The following HORMAD2 variants were observed in gnomAD, a reference collection of about 807,000 sequenced individuals.
HORMAD2 encodes the protein HORMA domain-containing protein 2.
A neutral mutation model predicts 38.8 loss-of-function variants in HORMAD2; 45 were observed. The observed-to-expected ratio is 1.16, with a 90% CI of 0.91 to 1.49. The LOEUF (loss-of-function observed/expected upper bound fraction) is 1.49, where lower values mean the gene tolerates loss of function less well. HORMAD2 is among the 40% of genes most tolerant of loss of function. The pLI, the probability that HORMAD2 is intolerant of heterozygous loss-of-function variation, is 0.00. For synonymous variants in HORMAD2, 126 were observed against 122.8 expected, an observed-to-expected ratio of 1.03 and a Z score of -0.17; for missense variants, 338 against 367.0, an observed-to-expected ratio of 0.92 and a Z score of 0.65.
rs561637735 is a variant in HORMAD2, at chr22:30,162,142, G to A, written c.820-13921G>A. Among the ~76,000 whole-genome samples, 7 of 152,190 alleles carry A rather than the reference G, an allele frequency of 4.6e-5. No homozygotes were observed. The South Asian group carries it at 6.2e-4, about 14-fold the overall frequency. On this transcript the variant is annotated intron_variant, in intron 10 of 10. Coordinates refer to ENST00000336726, the MANE Select transcript of HORMAD2 (RefSeq NM_152510.4). ...AGCGTGGGCAACATGGTGAAAACCC[G>A]TCTCTACCAAAAATACAAAAATTAG...
At chr22:30,089,391 C>G (rs1289167081) in intron 1 of HORMAD2, among the ~76,000 whole-genome samples, 1 of 147,640 alleles carries the variant, frequency 6.8e-6, no homozygotes, top group Non-Finnish European at 1.5e-5. Context: ...CTGGCTCTGT[C>G]GGCCAGGCTG....
intron 1 of HORMAD2, among the ~76,000 whole-genome samples, chr22:30,085,111 A>G (rs369586238): frequency 2.8e-4 from 42 of 151,224 alleles, no homozygotes; most frequent in African/African-American, 9.7e-4. Flanking sequence ...GCGCCACTGC[A>G]CTCCAGCCTG....
intron 10 of HORMAD2, among the ~76,000 whole-genome samples, chr22:30,131,232 T>C (rs1025212772): frequency 6.6e-6 from 1 of 152,188 alleles, no homozygotes; most frequent in Non-Finnish European, 1.5e-5. Context: ...ATTCTAGTAA[T>C]TACTTACACA....
intron 10 of HORMAD2, among the ~76,000 whole-genome samples, chr22:30,157,789 G>A (rs1000094448): frequency 1.7e-4 from 26 of 152,088 alleles, no homozygotes; most frequent in Admixed American, 6.5e-4. Context: ...TTGTCACTCA[G>A]AGATCCCTTA....
At chr22:30,161,436 G>A (rs558312850) in intron 10 of HORMAD2, among the ~76,000 whole-genome samples, 1 of 152,146 alleles carries the variant, frequency 6.6e-6, no homozygotes, top group Non-Finnish European at 1.5e-5. Context: ...GCAAATGTAT[G>A]TCAAACTTTA....
At position 30,111,606 on chromosome 22, in the gene HORMAD2, T is replaced by C. The variant is rs918287148; in HGVS notation, c.295-190T>C. On this transcript the variant is annotated intron_variant, in intron 5 of 10. Transcript: ENST00000336726. ...CATGGATTTTGGTATTCATAGGGAG[T>C]CCTGGAACTAATTCCTTCTCAGATA... Among the ~76,000 whole-genome samples, 6 of 152,182 alleles carry C rather than the reference T, an allele frequency of 3.9e-5. No individual in the cohort carries two copies. In the East Asian group the frequency reaches 1.2e-3, roughly 29 times the overall value.
intron 4 of HORMAD2, 82 bp downstream of exon 4, chr22:30,103,582 G>A: frequency 2.2e-6 from 1 of 448,664 alleles, no homozygotes; most frequent in Admixed American, 4.3e-5. Context: ...TATTTAGTAA[G>A]ATCATTTTTT....
At chr22:30,167,225 C>T (rs1437103968) in intron 10 of HORMAD2, among the ~76,000 whole-genome samples, 1 of 152,194 alleles carries the variant, frequency 6.6e-6, no homozygotes, top group Non-Finnish European at 1.5e-5. Flanking sequence ...CTCTGTCTTA[C>T]AAGGATACAT....
At chr22:30,128,775 A>C (rs1421257669) in intron 10 of HORMAD2, among the ~76,000 whole-genome samples, 1 of 152,212 alleles carries the variant, frequency 6.6e-6, no homozygotes, top group Non-Finnish European at 1.5e-5. Flanking sequence ...TCAAGTGCAG[A>C]TATACACGTG....
At chr22:30,111,031 G>T (rs978724476) in intron 5 of HORMAD2, among the ~76,000 whole-genome samples, 1 of 151,112 alleles carries the variant, frequency 6.6e-6, no homozygotes, top group Non-Finnish European at 1.5e-5. Context: ...TGGTGCATGC[G>T]TGTAATCCCA....
At chr22:30,153,167 G>C (rs1924861434) in intron 10 of HORMAD2, among the ~76,000 whole-genome samples, 1 of 151,820 alleles carries the variant, frequency 6.6e-6, no homozygotes, top group Admixed American at 6.6e-5. Flanking sequence ...TCAAGTATCA[G>C]AATTCCCCTA....
At chr22:30,167,279 C>T (rs1230058747) in intron 10 of HORMAD2, among the ~76,000 whole-genome samples, 1 of 152,200 alleles carries the variant, frequency 6.6e-6, no homozygotes, top group Non-Finnish European at 1.5e-5. Flanking sequence ...GAAGAACTCT[C>T]CATTTCAAGA....
At position 30,097,347 on chromosome 22, in the gene HORMAD2, T is replaced by C. The variant is rs1601511912; in HGVS notation, c.52-1505T>C. The stretch of plus-strand genomic sequence containing the variant: ...ATATATCAGTCGCTCTCTTATCACA[T>C]TCCTTTTATGGCACACTATTTCTTA... On this transcript the variant is annotated intron_variant, in intron 2 of 10. Transcript: ENST00000336726. Among the ~76,000 whole-genome samples, 4 of 152,354 alleles carry C rather than the reference T, an allele frequency of 2.6e-5. No individual in the cohort carries two copies. In the South Asian group the frequency reaches 8.3e-4, roughly 32 times the overall value.
intron 7 of HORMAD2, among the ~76,000 whole-genome samples, chr22:30,117,822 A>C (rs923910766): frequency 6.6e-6 from 1 of 152,102 alleles, no homozygotes; most frequent in Non-Finnish European, 1.5e-5. Context: ...CCAGACATTC[A>C]TTTTATTTTA....
chr22:30,207,367 T>A, the HORMAD2 span, among the ~76,000 whole-genome samples: 3 of 152,056 alleles, frequency 2.0e-5, no homozygotes, highest in Non-Finnish European at 4.4e-5. Context: ...AAACCACTGA[T>A]TAGGAAGCAA....
chr22:30,112,345 C>G (rs1348853801), intron 6 of HORMAD2, 151 bp from the exon 7 acceptor site: 1 of 541,038 alleles, frequency 1.8e-6, no homozygotes, highest in Non-Finnish European at 3.3e-6. Flanking sequence ...ACTCTACATT[C>G]ACAAAATAAG....
chr22:30,120,942 T>G (rs77584062), intron 8 of HORMAD2, among the ~76,000 whole-genome samples: 6,876 of 147,356 alleles, frequency 0.047, 510 homozygotes, highest in African/African-American at 0.16. Context: ...TATGACGGGT[T>G]GTGAAAGGAA....
At chr22:30,206,393 C>T in the HORMAD2 span, among the ~76,000 whole-genome samples, 1 of 152,118 alleles carries the variant, frequency 6.6e-6, no homozygotes, top group South Asian at 2.1e-4. Context: ...CTCCTGACCT[C>T]GTGATCCACC....
At chr22:30,092,743 G>T (rs1387078448) in intron 1 of HORMAD2, among the ~76,000 whole-genome samples, 1 of 151,954 alleles carries the variant, frequency 6.6e-6, no homozygotes, top group African/African-American at 2.4e-5. Flanking sequence ...TTTGACAAGG[G>T]TATCTTTTCC....
Sources: allele counts gnomAD v4.1 joint callset (sites outside exome capture counted in the v4.1 genomes callset), GRCh38; gene constraint gnomAD v4.1.1; transcripts MANE v1.5; gene names NCBI Gene and HGNC (gene_info 2026-07-23, HGNC 2026-07-21).